ALK: variants seen among roughly 807,000 people sequenced by gnomAD.
ALK encodes the protein ALK receptor tyrosine kinase.
A neutral mutation model predicts 163.1 loss-of-function variants in ALK; 74 were observed. The ratio of observed to expected loss-of-function variants is 0.45; its 90% CI spans 0.38 to 0.55. The LOEUF is 0.55. Among genes scored for constraint, ALK ranks in the 20% least tolerant of loss-of-function variants. ALK has a pLI of 0.00. For synonymous variants in ALK, 960 were observed against 843.2 expected, an observed-to-expected ratio of 1.14 and a Z score of -2.40; for missense variants, 2,063 against 2,105.3, an observed-to-expected ratio of 0.98 and a Z score of 0.39.
chr2:29,692,673 C>T (rs1573560093), intron 3 of ALK, among the ~76,000 whole-genome samples: 1 of 152,334 alleles, frequency 6.6e-6, no homozygotes, highest in East Asian at 1.9e-4. Context: ...GCTTGCTACT[C>T]ACCTCCAGCT....
chr2:29,869,970 TA>T (rs1220165981), intron 1 of ALK, among the ~76,000 whole-genome samples: 4 of 152,094 alleles, frequency 2.6e-5, no homozygotes, highest in African/African-American at 9.7e-5. Flanking sequence ...AATTTCAAAT[TA>T]AAATAATAAT....
chr2:29,207,113 G>T (rs113900307), intron 26 of ALK, 58 bp downstream of exon 26: 3 of 1,373,852 alleles, frequency 2.2e-6, no homozygotes, highest in Non-Finnish European at 2.1e-6. Context: ...AGAGTCCTTT[G>T]GCCCAGGAGC....
chr2:29,585,197 T>G (rs1212695956), intron 3 of ALK, among the ~76,000 whole-genome samples: 2 of 152,258 alleles, frequency 1.3e-5, no homozygotes, highest in African/African-American at 4.8e-5. Context: ...AGGCAAAATA[T>G]AAATGTATAA....
intron 3 of ALK, among the ~76,000 whole-genome samples, chr2:29,646,097 T>C (rs909998498): frequency 6.6e-6 from 1 of 152,110 alleles, no homozygotes; most frequent in African/African-American, 2.4e-5. Flanking sequence ...CACTTGGCCA[T>C]TGTTATGGAT....
chr2:29,237,118 G>A (rs948245712), intron 13 of ALK, among the ~76,000 whole-genome samples: 3 of 152,034 alleles, frequency 2.0e-5, no homozygotes, highest in African/African-American at 7.2e-5. Context: ...ATTCAATCTG[G>A]CAGAAAATCC....
intron 4 of ALK, among the ~76,000 whole-genome samples, chr2:29,437,768 A>C (rs944328576): frequency 1.2e-4 from 18 of 152,152 alleles, no homozygotes; most frequent in African/African-American, 3.4e-4. Context: ...TTACTGAGAC[A>C]CTCTACATGT....
At chr2:29,500,930 A>G (rs1387036992) in intron 4 of ALK, among the ~76,000 whole-genome samples, 1 of 150,240 alleles carries the variant, frequency 6.7e-6, no homozygotes, top group East Asian at 2.0e-4. Context: ...CCAACTCCCC[A>G]CCTCCTTTCT....
chr2:29,480,651 A>C (rs910748755), intron 4 of ALK, among the ~76,000 whole-genome samples: 2 of 152,088 alleles, frequency 1.3e-5, no homozygotes, highest in African/African-American at 4.8e-5. Context: ...CACAGCAGTC[A>C]AGAGCAGAGG....
chr2:29,303,646 T>C (rs974617153), intron 8 of ALK, among the ~76,000 whole-genome samples: 5 of 152,150 alleles, frequency 3.3e-5, no homozygotes, highest in African/African-American at 1.2e-4. Context: ...TGTCCCTCAA[T>C]GGTGCATCGG....
At chr2:29,366,397 G>T (rs1048935558) in intron 5 of ALK, among the ~76,000 whole-genome samples, 2 of 152,138 alleles carry the variant, frequency 1.3e-5, no homozygotes, top group Admixed American at 1.3e-4. Context: ...GGTAGTCAGG[G>T]GAGTTGAGGA....
intron 9 of ALK, 136 bp downstream of exon 9, chr2:29,296,752 C>T: frequency 2.1e-6 from 2 of 967,124 alleles, no homozygotes; most frequent in Non-Finnish European, 3.2e-6. Context: ...CACGTGCGTG[C>T]ACGCGCACAT....
intron 3 of ALK, among the ~76,000 whole-genome samples, chr2:29,586,579 T>C (rs1424266564): frequency 6.6e-6 from 1 of 152,186 alleles, no homozygotes; most frequent in African/African-American, 2.4e-5. Flanking sequence ...ATATTAATAT[T>C]GGTTATCTCC....
At position 29,905,551 on chromosome 2, in the gene ALK, G is replaced by GGGAAAA. The variant is rs1461648948; in HGVS notation, c.667+14436_667+14441dup. On this transcript the variant is annotated intron_variant, in intron 1 of 28. Coordinates refer to ENST00000389048, the MANE Select transcript of ALK (RefSeq NM_004304.5). ...GAGGGAAGGAAGAGAAGGAGGGAAA[G>GGGAAAA]GGAAAAGGAAAGGGAAAGGGAAGGG... Among the ~76,000 whole-genome samples, 3 of 150,826 alleles carry GGGAAAA rather than the reference G, an allele frequency of 2.0e-5. No homozygotes were observed. In the East Asian group the frequency reaches 5.8e-4, roughly 29 times the overall value.
intron 3 of ALK, among the ~76,000 whole-genome samples, chr2:29,624,291 A>G (rs907344711): frequency 4.6e-5 from 7 of 152,196 alleles, no homozygotes; most frequent in Non-Finnish European, 8.8e-5. Flanking sequence ...AGTTTTTACC[A>G]AGTTAATCTG....
At chr2:29,723,705 G>A (rs987666079) in intron 1 of ALK, among the ~76,000 whole-genome samples, 2 of 152,144 alleles carry the variant, frequency 1.3e-5, no homozygotes, top group Admixed American at 1.3e-4. Context: ...AAATTCTCAG[G>A]GTTTTGTAAG....
chr2:29,241,119 C>A (rs995601245), intron 12 of ALK, among the ~76,000 whole-genome samples: 2 of 152,224 alleles, frequency 1.3e-5, no homozygotes, highest in Middle Eastern at 3.4e-3. Context: ...AGTGCCTGGG[C>A]ATTGATGGGA....
intron 3 of ALK, among the ~76,000 whole-genome samples, chr2:29,631,147 G>T (rs969120818): frequency 6.6e-6 from 1 of 152,170 alleles, no homozygotes; most frequent in Non-Finnish European, 1.5e-5. Context: ...GGAAAAACTT[G>T]GGCATTCATT....
chr2:29,789,377 G>A (rs72854235), intron 1 of ALK, among the ~76,000 whole-genome samples: 3,148 of 152,214 alleles, frequency 0.021, 113 homozygotes, highest in African/African-American at 0.07. Flanking sequence ...TATTCTATCC[G>A]GAATGGCTGA....
chr2:29,901,786 C>T (rs1667420062), intron 1 of ALK, among the ~76,000 whole-genome samples: 1 of 152,192 alleles, frequency 6.6e-6, no homozygotes, highest in Admixed American at 6.6e-5. Context: ...ATCGCCGTAT[C>T]TTCTGGTGAA....
Sources: gnomAD v4.1 joint callset for allele counts (sites outside exome capture counted in the v4.1 genomes callset) on GRCh38, gnomAD v4.1.1 for gene constraint, MANE v1.5 for transcripts, NCBI Gene and HGNC (gene_info 2026-07-23, HGNC 2026-07-21) for gene names.